IFT88: variants seen among roughly 807,000 people sequenced by gnomAD.
The protein encoded by IFT88 is intraflagellar transport protein 88 homolog.
In IFT88, 74 loss-of-function variants were observed where a neutral mutation model predicts 119.5. The observed-to-expected ratio is 0.62, with a 90% CI of 0.51 to 0.75. The LOEUF (loss-of-function observed/expected upper bound fraction) is 0.75. IFT88 is among the 30% of genes least tolerant of loss of function. The probability of loss-of-function intolerance (pLI) is 0.00; values close to 1 mark genes in which losing one functional copy is unlikely to be tolerated. For synonymous variants in IFT88, 279 were observed against 316.7 expected (o/e 0.88, Z 1.26); for missense variants, 961 against 977.7 (o/e 0.98, Z 0.23).
At position 20,641,352 on chromosome 13, in the gene IFT88, G is replaced by A. The variant is rs146264538; in HGVS notation, c.1636G>A (p.Ala546Thr). The change falls in exon 18 of 26, where the codon GCA becomes ACA. Residue 546 changes from alanine to threonine, a missense_variant. Transcript: ENST00000351808. ...TTTGGACTGTTTCCTGAAACTTCAC[G>A]CAATCCTACGAAACAGTGCCGAAGT... ...EALDCFLKLH[A>T]ILRNSAEVLY... is the part of the protein sequence containing the mutation. The A allele has an allele frequency of 2.3e-4, 367 of 1,612,178 alleles. No individual in the cohort carries two copies. The highest frequency in any genetic ancestry group is 2.9e-4 in the Non-Finnish European group (344 of 1,178,906).
At chr13:20,580,724 C>CT (rs1162699940) in intron 2 of IFT88, among the ~76,000 whole-genome samples, 12,905 of 122,712 alleles carry the variant, frequency 0.11, 853 homozygotes, top group Non-Finnish European at 0.13. Flanking sequence ...TTTCTTTTTT[C>CT]TTTTTTTTTT....
chr13:20,688,202 C>T (rs1179252714), intron 24 of IFT88, among the ~76,000 whole-genome samples: 2 of 152,150 alleles, frequency 1.3e-5, no homozygotes, highest in East Asian at 3.9e-4. Flanking sequence ...AAAAAATTAG[C>T]CGGGCGTGGT....
intron 8 of IFT88, 63 bp downstream of exon 8, chr13:20,596,303 A>G (rs919358877): frequency 3.1e-6 from 2 of 650,870 alleles, no homozygotes; most frequent in African/African-American, 1.9e-5. Flanking sequence ...GCTTTTATAC[A>G]TACACCGTAT....
At chr13:20,683,338 A>G (rs1243862805) in intron 24 of IFT88, among the ~76,000 whole-genome samples, 1 of 152,090 alleles carries the variant, frequency 6.6e-6, no homozygotes, top group Admixed American at 6.5e-5. Flanking sequence ...TAACCCTTGT[A>G]AATTTTTTCC....
intron 17 of IFT88, among the ~76,000 whole-genome samples, chr13:20,640,809 G>A (rs2049816520): frequency 6.6e-6 from 1 of 151,882 alleles, no homozygotes; most frequent in African/African-American, 2.4e-5. Flanking sequence ...ATCTTTTGGT[G>A]TCTGCCAGTG....
At chr13:20,680,603 A>G (rs954731928) in intron 24 of IFT88, among the ~76,000 whole-genome samples, 3 of 152,166 alleles carry the variant, frequency 2.0e-5, no homozygotes, top group Non-Finnish European at 4.4e-5. Flanking sequence ...CATCTGTGTC[A>G]ACTTCTTGAT....
chr13:20,572,093 A>G (rs9509284), intron 1 of IFT88, among the ~76,000 whole-genome samples: 83,484 of 151,842 alleles, frequency 0.55, 23,474 homozygotes, highest in East Asian at 0.68. Context: ...ATTTTCAAAC[A>G]TGCAGCAAGG....
chr13:20,613,459 T>C (rs1250671480), intron 13 of IFT88, among the ~76,000 whole-genome samples: 1 of 151,932 alleles, frequency 6.6e-6, no homozygotes, highest in East Asian at 1.9e-4. Context: ...TGTGGAGAAA[T>C]TGGAACTCTT....
chr13:20,635,296 G>T lies in IFT88; in HGVS notation c.1387-3036G>T, dbSNP rs180879677. Among the ~76,000 whole-genome samples the T allele has an allele frequency of 1.4e-4, 21 of 152,134 alleles. No individual in the cohort carries two copies. In the East Asian group the frequency reaches 3.9e-3, roughly 28 times the overall value. ...CACTATTCACAATAGCAAGGACTTG[G>T]ATCCAAAAATTTCTGAATGAAAAGA... is the stretch of plus-strand genomic sequence containing the variant. On this transcript the variant is annotated intron_variant, in intron 16 of 25. Transcript: ENST00000351808.
At chr13:20,582,199 T>C (rs180846865) in intron 2 of IFT88, among the ~76,000 whole-genome samples, 6 of 152,274 alleles carry the variant, frequency 3.9e-5, no homozygotes, top group Admixed American at 3.9e-4. Flanking sequence ...TTGGTGAGAC[T>C]GGGTGCTTTT....
At position 20,644,636 on chromosome 13, in the gene IFT88, T is replaced by C. The variant is rs568444970; in HGVS notation, c.1834-207T>C. Among the ~76,000 whole-genome samples the C allele has an allele frequency of 5.9e-5, 9 of 152,312 alleles. No individual in the cohort carries two copies. The South Asian group carries it at 1.9e-3, about 32-fold the overall frequency. On this transcript the variant is annotated intron_variant, in intron 19 of 25. Transcript: ENST00000351808. ...AGCTCATATATTGTTATATCAAAAG[T>C]ATAGATAATTGAAAAGTGTGTCAAG...
In IFT88 at chr13:20,638,509, T is replaced by C; in HGVS notation, c.1564T>C (p.Tyr522His). Residue 522 changes from tyrosine (Y) to histidine (H), a missense_variant, in exon 17 of 26, where the codon TAT becomes CAT. By Grantham distance (83) the Tyr-to-His change is moderately conservative. Coordinates refer to ENST00000351808, the MANE Select transcript of IFT88 (RefSeq NM_006531.5). ...TGATTCTTCTTGTACTGAAGCACTT[T>C]ATAATATTGGTAAGTGAAACAAGGG... ...RNDSSCTEAL[Y>H]NIGLTYEKLN... is the part of the protein sequence containing the mutation. 6 of 1,448,240 alleles carry C rather than the reference T, an allele frequency of 4.1e-6. No individual in the cohort carries two copies. Among genetic ancestry groups the C allele is most frequent in the Non-Finnish European group, 5.5e-6 (6 of 1,099,084 alleles). The allele number at this position is 1,448,240 out of a possible 1,614,324, so 89.7% of individuals were successfully genotyped here. A position where few individuals can be genotyped will look rare whatever the true frequency, so the allele number is the denominator to read the frequency against.
chr13:20,650,598 G>T (rs773374018), intron 20 of IFT88, among the ~76,000 whole-genome samples: 1 of 152,160 alleles, frequency 6.6e-6, no homozygotes, highest in African/African-American at 2.4e-5. Context: ...CATGGTACTG[G>T]AAGTTCTAGC....
chr13:20,662,537 C>A (rs571395958), intron 22 of IFT88, among the ~76,000 whole-genome samples: 2 of 152,270 alleles, frequency 1.3e-5, no homozygotes, highest in South Asian at 2.1e-4. Context: ...TGATGAACAT[C>A]TATGTCTCTG....
chr13:20,576,775 G>A (rs1251704675), intron 2 of IFT88, among the ~76,000 whole-genome samples: 1 of 152,148 alleles, frequency 6.6e-6, no homozygotes, highest in Non-Finnish European at 1.5e-5. Context: ...TAGCTCTATA[G>A]TGTAATTTGA....
At chr13:20,601,131 C>T (rs565056973) in intron 11 of IFT88, among the ~76,000 whole-genome samples, 5 of 152,116 alleles carry the variant, frequency 3.3e-5, no homozygotes, top group Non-Finnish European at 5.9e-5. Flanking sequence ...TTTGGGAGGC[C>T]GAGGCGGGCG....
chr13:20,663,492 A>G lies in IFT88; in HGVS notation c.2069-6A>G, dbSNP rs995740925. Reference sequence around the variant, plus strand: ...TTCTTTCCTAAATGTATATTTTACAATTTAGGTCTGCGTTTCTTAGTTCGT... The same window carrying G: ...TTCTTTCCTAAATGTATATTTTACAGTTTAGGTCTGCGTTTCTTAGTTCGT... On this transcript the variant is annotated splice_region_variant and splice_polypyrimidine_tract_variant and intron_variant, in intron 22 of 25. Coordinates refer to ENST00000351808, the MANE Select transcript of IFT88 (RefSeq NM_006531.5). 16 of 1,612,380 alleles carry G rather than the reference A, an allele frequency of 9.9e-6. No individual in the cohort carries two copies. The highest frequency in any genetic ancestry group is 4.0e-5 in the African/African-American group (3 of 74,796).
At position 20,592,417 on chromosome 13, in the gene IFT88, T is replaced by TTATGTTGTTG. The variant is rs752004352; in HGVS notation, c.398+15_398+24dup. 1 of 1,572,824 alleles carries TTATGTTGTTG rather than the reference T, an allele frequency of 6.4e-7. No individual in the cohort carries two copies. The highest frequency in any genetic ancestry group is 1.2e-5 in the South Asian group (1 of 85,362). The stretch of plus-strand genomic sequence containing the variant: ...AGAAAAAAGATAGGTATGTAAGTCC[T>TTATGTTGTTG]TATGTTGTTGTTTGTTGTTGTTGCT... On this transcript the variant is annotated intron_variant, in intron 7 of 25. Coordinates refer to ENST00000351808, the MANE Select transcript of IFT88 (RefSeq NM_006531.5).
intron 7 of IFT88, among the ~76,000 whole-genome samples, chr13:20,593,712 A>T (rs1019912959): frequency 6.6e-6 from 1 of 152,032 alleles, no homozygotes; most frequent in African/African-American, 2.4e-5. Context: ...TATGTCATTC[A>T]TGGTCCTTTT....
Sources: gnomAD v4.1 joint callset for allele counts (sites outside exome capture counted in the v4.1 genomes callset) on GRCh38, gnomAD v4.1.1 for gene constraint, MANE v1.5 for transcripts, NCBI Gene and HGNC (gene_info 2026-07-23, HGNC 2026-07-21) for gene names.